Variants in SETMAR observed in about 807,000 individuals in gnomAD.
The protein encoded by SETMAR is SET and mariner transposase domain methyltransferase.
In SETMAR, 44 loss-of-function variants were observed where a neutral mutation model predicts 58.4. The ratio of observed to expected loss-of-function variants is 0.75; its 90% CI spans 0.59 to 0.97. SETMAR has a LOEUF of 0.97. SETMAR is among the 50% of genes least tolerant of loss of function. SETMAR has a pLI of 0.00. For synonymous variants in SETMAR, 332 were observed against 307.4 expected (o/e 1.08, Z -0.84); for missense variants, 903 against 840.2 (o/e 1.07, Z -0.92).
chr3:4,303,557 G>T (rs953805325), intron 1 of SETMAR, 31 bp downstream of exon 1: 11 of 1,340,006 alleles, frequency 8.2e-6, no homozygotes, highest in South Asian at 4.3e-5. Flanking sequence ...CGCGGGAGGC[G>T]GGCGCGCGGC....
intron 1 of SETMAR, among the ~76,000 whole-genome samples, chr3:4,308,261 CT>C (rs1698268985): frequency 1.3e-5 from 2 of 152,188 alleles, no homozygotes; most frequent in African/African-American, 4.8e-5. Flanking sequence ...GAAAGTTTAA[CT>C]CCAGAACTTA....
intron 1 of SETMAR, among the ~76,000 whole-genome samples, chr3:4,309,160 A>G (rs144661421): frequency 3.3e-4 from 51 of 152,254 alleles, no homozygotes; most frequent in Middle Eastern, 3.4e-3. Context: ...GGGGTTTATT[A>G]TCATGCAGGT....
chr3:4,310,361 A>T (rs1023114299), intron 1 of SETMAR, among the ~76,000 whole-genome samples: 3 of 152,238 alleles, frequency 2.0e-5, no homozygotes, highest in Non-Finnish European at 2.9e-5. Flanking sequence ...TCAAAAGATT[A>T]TTCTTGAGTG....
intron 1 of SETMAR, among the ~76,000 whole-genome samples, chr3:4,310,602 C>A (rs747554621): frequency 1.4e-4 from 22 of 151,830 alleles, no homozygotes; most frequent in Non-Finnish European, 2.6e-4. Context: ...TCTATAAGTC[C>A]CTGAAGGATT....
rs1165961175 is a variant in SETMAR at position 4,313,460 on chromosome 3, T to C, written c.719T>C (p.Met240Thr). 1.9e-6 allele frequency: 3 copies of C among 1,614,034 alleles called. No homozygotes were observed. Among genetic ancestry groups the C allele is most frequent in the Admixed American group, 1.7e-5 (1 of 59,980 alleles). The stretch of plus-strand genomic sequence containing the variant: ...ATGATTCCTGTCCGAATTGACTCAA[T>C]GGTACCTAAGTTGGCACTTTTTGCA... ...LLMIPVRIDS[M>T]VPKLALFAAK... The change falls in exon 2 of 3, where the codon ATG (methionine) becomes ACG (threonine). Residue 240 changes from methionine (M) to threonine (T), a missense_variant. Met to Thr is a moderately conservative substitution (Grantham distance 81, BLOSUM62 -1). Coordinates refer to ENST00000358065, the MANE Select transcript of SETMAR (RefSeq NM_006515.4).
In SETMAR at chr3:4,316,931, A is replaced by C; in HGVS notation, c.1740A>C (p.Arg580Ser). 1 of 1,549,386 alleles carries C rather than the reference A, an allele frequency of 6.5e-7. No homozygotes were observed. The highest frequency in any genetic ancestry group is 8.7e-7 in the Non-Finnish European group (1 of 1,146,748). ...GCCTGCAGCTGGCATTGGTCAACAG[A>C]AAGGGCCCAATTCTTCTCCACGACA... ...LQRLQLALVN[R>S]KGPILLHDNA... The change falls in exon 3 of 3, where the codon AGA becomes AGC. Residue 580 changes from arginine to serine, a missense_variant. Arg to Ser is a moderately radical substitution (Grantham distance 110, BLOSUM62 -1). Coordinates refer to ENST00000358065, the MANE Select transcript of SETMAR (RefSeq NM_006515.4).
Position 4,313,265 on chromosome 3 carries a change from T to C in SETMAR, c.524T>C (p.Phe175Ser), listed in dbSNP as rs757294648. The stretch of plus-strand genomic sequence containing the variant: ...GAATATGCTGGTGAGGTTTTAGGAT[T>C]CTCTGAAGTTCAGAGAAGAATTCAC... ...VCEYAGEVLG[F>S]SEVQRRIHLQ... Residue 175 changes from phenylalanine to serine, a missense_variant, in exon 2 of 3, where the codon TTC becomes TCC. Transcript: ENST00000358065. 1.2e-6 allele frequency: 2 copies of C among 1,613,968 alleles called. No homozygotes were observed. The highest frequency in any genetic ancestry group is 1.1e-5 in the South Asian group (1 of 91,072).
In SETMAR at chr3:4,313,108, C is replaced by T. The variant is rs746229986; in HGVS notation, c.367C>T (p.Arg123Ter). Residue 123 changes from arginine (R) to a stop codon, truncating the protein, a stop_gained, in exon 2 of 3, where the codon CGA (arginine) becomes TGA (stop). Transcript: ENST00000358065. LOFTEE classifies it high-confidence loss of function. ...EPVFECNVLC[R>*]CSDHCRNRVV... The stretch of plus-strand genomic sequence containing the variant: ...TGTTTTTGAATGCAATGTCCTGTGC[C>T]GATGCAGTGACCACTGCAGAAACAG... 2.9e-5 allele frequency: 47 copies of T among 1,613,768 alleles called. No individual in the cohort carries two copies. In the South Asian group the frequency reaches 3.0e-4, roughly 10 times the overall value.
chr3:4,315,864 T>C (rs1698616921), intron 2 of SETMAR, among the ~76,000 whole-genome samples: 1 of 151,950 alleles, frequency 6.6e-6, no homozygotes, highest in Non-Finnish European at 1.5e-5. Flanking sequence ...CTGGCCAACA[T>C]GGTGAAACCC....
At chr3:4,309,751 C>G (rs190932930) in intron 1 of SETMAR, among the ~76,000 whole-genome samples, 1 of 152,312 alleles carries the variant, frequency 6.6e-6, no homozygotes, top group Admixed American at 6.5e-5. Flanking sequence ...AAAGAGAATG[C>G]TTCTTCCCTA....
At chr3:4,307,389 C>T (rs1698232852) in intron 1 of SETMAR, among the ~76,000 whole-genome samples, 2 of 152,148 alleles carry the variant, frequency 1.3e-5, no homozygotes, top group Admixed American at 6.5e-5. Flanking sequence ...CCATGCTTTT[C>T]CCTGAGACAC....
At position 4,316,378 on chromosome 3, in the gene SETMAR, G is replaced by A; in HGVS notation, c.1187G>A (p.Gly396Glu). ...TGGTGGTTCAAGAAGTTTTGCAAAG[G>A]AGATGAGAGCCTTGAAGATGAGGAG... Reference protein sequence around the residue: ...VQWWFKKFCKGDESLEDEERS... With the variant: ...VQWWFKKFCKEDESLEDEERS... Residue 396 changes from glycine to glutamate, a missense_variant, in exon 3 of 3, where the codon GGA becomes GAA. Gly to Glu is a moderately conservative substitution (Grantham distance 98). Transcript: ENST00000358065. 1 of 1,553,872 alleles carries A rather than the reference G, an allele frequency of 6.4e-7. No homozygotes were observed.
intron 1 of SETMAR, among the ~76,000 whole-genome samples, chr3:4,311,134 T>A (rs12497057): frequency 2.6e-5 from 4 of 152,184 alleles, no homozygotes; most frequent in Non-Finnish European, 5.9e-5. Flanking sequence ...ATGTTAGCCT[T>A]CTCCCACAGG....
intron 1 of SETMAR, 42 bp downstream of exon 1, chr3:4,303,568 T>TC: frequency 3.7e-6 from 5 of 1,337,176 alleles, no homozygotes; most frequent in Non-Finnish European, 4.8e-6. Flanking sequence ...GGCGCGCGGC[T>TC]CCCCCACGTG....
Position 4,308,862 on chromosome 3 carries a change from A to G in SETMAR, c.157-4036A>G, listed in dbSNP as rs921216326. ...GAGTCAAACTCTGCAAAATATTTGA[A>G]GAGATTTATTCTGAGCCAAATATGA... On this transcript the variant is annotated intron_variant, in intron 1 of 2. Transcript: ENST00000358065. Among the ~76,000 whole-genome samples, 15 of 152,232 alleles carry G rather than the reference A, an allele frequency of 9.9e-5. 2 individuals carry two copies. The highest frequency in any genetic ancestry group is 9.2e-4 in the Admixed American group (14 of 15,284).
At chr3:4,303,924 C>G (rs927164072) in intron 1 of SETMAR, 1 of 1,188,500 alleles carries the variant, frequency 8.4e-7, no homozygotes. Context: ...TGCATAAAAA[C>G]AGCCCCTCGA....
chr3:4,309,860 G>A lies in SETMAR; in HGVS notation c.157-3038G>A, dbSNP rs1698335179. Among the ~76,000 whole-genome samples, 5 of 152,292 alleles carry A rather than the reference G, an allele frequency of 3.3e-5. No individual in the cohort carries two copies. The South Asian group carries it at 8.3e-4, about 25-fold the overall frequency. The stretch of plus-strand genomic sequence containing the variant: ...CAGATACAATTATACTTCAGATACA[G>A]TTATTATTTAACTATGGGGAAACAG... On this transcript the variant is annotated intron_variant, in intron 1 of 2. Transcript: ENST00000358065.
intron 2 of SETMAR, among the ~76,000 whole-genome samples, chr3:4,315,942 G>T (rs146365456): frequency 0.011 from 1,618 of 151,338 alleles, 33 homozygotes; most frequent in African/African-American, 0.037. Context: ...AGCTACTCAG[G>T]AGGCTGAGGT....
Position 4,313,155 on chromosome 3 carries a change from G to T in SETMAR, c.414G>T (p.Gln138His). Residue 138 changes from glutamine to histidine, a missense_variant, in exon 2 of 3, where the codon CAG (glutamine) becomes CAT (histidine). Gln to His is a conservative substitution (Grantham distance 24). Transcript: ENST00000358065. ...ACAGAGTGGTCCAGAAAGGTCTACA[G>T]TTCCACTTCCAAGTGTTCAAGACGC... Reference protein sequence around the residue: ...CRNRVVQKGLQFHFQVFKTHK... With the variant: ...CRNRVVQKGLHFHFQVFKTHK... 1 of 1,614,098 alleles carries T rather than the reference G, an allele frequency of 6.2e-7. No individual in the cohort carries two copies. Among genetic ancestry groups the T allele is most frequent in the Non-Finnish European group, 8.5e-7 (1 of 1,179,990 alleles).
Sources: allele counts gnomAD v4.1 joint callset (sites outside exome capture counted in the v4.1 genomes callset), GRCh38; gene constraint gnomAD v4.1.1; transcripts MANE v1.5; gene names NCBI Gene and HGNC (gene_info 2026-07-23, HGNC 2026-07-21).